The following EMID1 variants were observed in gnomAD, a reference collection of about 807,000 sequenced individuals.
The protein encoded by EMID1 is EMI domain containing 1.
A neutral mutation model predicts 60.6 loss-of-function variants in EMID1; 40 were observed. The ratio of observed to expected loss-of-function variants is 0.66; its 90% CI spans 0.51 to 0.86. EMID1 has a LOEUF of 0.86. EMID1 is among the 40% of genes least tolerant of loss of function. The pLI is 0.00. For synonymous variants in EMID1, 242 were observed against 231.0 expected, an observed-to-expected ratio of 1.05 and a Z score of -0.43; for missense variants, 585 against 597.1, an observed-to-expected ratio of 0.98 and a Z score of 0.21.
chr22:29,226,449 A>G, intron 4 of EMID1, 41 bp from the exon 5 acceptor site: 1 of 1,605,320 alleles, frequency 6.2e-7, no homozygotes. Context: ...GGGGAAGCCT[A>G]GGACCCTTGG....
rs149380252 is a variant in EMID1 at position 29,242,602 on chromosome 22, G to A, written c.1075-843G>A. Among the ~76,000 whole-genome samples, 26 of 152,310 alleles carry A rather than the reference G, an allele frequency of 1.7e-4. No individual in the cohort carries two copies. The East Asian group carries it at 4.0e-3, about 24-fold the overall frequency. ...TTTTTGTTGCACACTGGACAAAGTA[G>A]ATAATATGTTGAAAAGACTCTAAAT... On this transcript the variant is annotated intron_variant, in intron 12 of 14. Transcript: ENST00000334018.
At chr22:29,212,457 C>T (rs2039925529) in intron 1 of EMID1, among the ~76,000 whole-genome samples, 8 of 152,072 alleles carry the variant, frequency 5.3e-5, no homozygotes, top group Admixed American at 4.6e-4. Flanking sequence ...GTTGAGAGTG[C>T]AAGCTCTGGA....
chr22:29,257,834 C>G (rs1467743016), intron 14 of EMID1, among the ~76,000 whole-genome samples: 2 of 152,188 alleles, frequency 1.3e-5, no homozygotes, highest in Non-Finnish European at 2.9e-5. Context: ...TGGGACCAAG[C>G]CATGATCCCA....
At chr22:29,231,861 G>C (rs2040762204) in intron 7 of EMID1, 179 bp downstream of exon 7, 1 of 606,534 alleles carries the variant, frequency 1.6e-6, no homozygotes, top group Admixed American at 3.3e-5. Context: ...CCTCTCTTAT[G>C]TTCACTGACC....
intron 3 of EMID1, among the ~76,000 whole-genome samples, chr22:29,217,481 T>A (rs1226972681): frequency 6.6e-6 from 1 of 152,242 alleles, no homozygotes; most frequent in Non-Finnish European, 1.5e-5. Flanking sequence ...CAAGTCATTG[T>A]GCAAGGGCCC....
intron 1 of EMID1, among the ~76,000 whole-genome samples, chr22:29,208,096 C>T (rs1404152265): frequency 6.6e-6 from 1 of 152,210 alleles, no homozygotes; most frequent in East Asian, 1.9e-4. Context: ...AATCATGTCA[C>T]ATGGGGGTAG....
At chr22:29,240,307 G>A (rs1005629165) in intron 12 of EMID1, among the ~76,000 whole-genome samples, 7 of 152,172 alleles carry the variant, frequency 4.6e-5, no homozygotes, top group South Asian at 2.1e-4. Flanking sequence ...TGGGTATTTC[G>A]CTTCCTCCAG....
intron 1 of EMID1, among the ~76,000 whole-genome samples, chr22:29,213,458 G>A (rs1488690594): frequency 6.6e-6 from 1 of 152,192 alleles, no homozygotes; most frequent in Non-Finnish European, 1.5e-5. Flanking sequence ...TTCCAGCACT[G>A]ATTCTGGTGT....
intron 3 of EMID1, chr22:29,216,409 G>C: frequency 1.0e-6 from 1 of 985,462 alleles, no homozygotes; most frequent in East Asian, 1.1e-4. Context: ...TGGACACCAA[G>C]AGCTGTGTTT....
At chr22:29,256,246 A>G (rs2041702086) in intron 14 of EMID1, among the ~76,000 whole-genome samples, 2 of 151,950 alleles carry the variant, frequency 1.3e-5, no homozygotes, top group South Asian at 4.2e-4. Context: ...GCCGAGGCGT[A>G]TGGATCACCT....
intron 3 of EMID1, among the ~76,000 whole-genome samples, chr22:29,219,597 T>C (rs1219585121): frequency 1.3e-5 from 2 of 151,640 alleles, no homozygotes; most frequent in Non-Finnish European, 2.9e-5. Context: ...CTGGGCAACA[T>C]AGCAAGACCC....
intron 6 of EMID1, 177 bp downstream of exon 6, chr22:29,231,317 A>C: frequency 3.0e-6 from 3 of 994,114 alleles, no homozygotes; most frequent in South Asian, 1.7e-5. Flanking sequence ...GGACTCCTGA[A>C]TGCTGCAGTC....
At chr22:29,233,843 A>G (rs923610551) in intron 10 of EMID1, 177 bp downstream of exon 10, 1 of 706,918 alleles carries the variant, frequency 1.4e-6, no homozygotes. Flanking sequence ...ACTACCTTCC[A>G]TAAATCTTAT....
rs765764645 is a variant in EMID1 at position 29,226,545 on chromosome 22, G to C, written c.459G>C (p.Glu153Asp). 6.2e-7 allele frequency: 1 copy of C among 1,611,886 alleles called. No homozygotes were observed. The highest frequency in any genetic ancestry group is 2.2e-5 in the East Asian group (1 of 44,766). ...TGACAGAGCGGCTGAAGGTGCTGGA[G>C]GCCAAGGTGGGTGAGCAGCTCCCTC... ...SELTERLKVL[E>D]AKMTMLTVIE... The change falls in exon 5 of 15, where the codon GAG becomes GAC. Residue 153 changes from glutamate (E) to aspartate (D), a missense_variant. Physicochemically the swap from Glu to Asp is conservative, Grantham distance 45 (BLOSUM62 2). Transcript: ENST00000334018.
intron 6 of EMID1, 78 bp downstream of exon 6, chr22:29,231,218 C>A: frequency 6.6e-7 from 1 of 1,510,562 alleles, no homozygotes; most frequent in Non-Finnish European, 8.9e-7. Flanking sequence ...TGGTCCCCAC[C>A]CTGTCGCTGA....
chr22:29,228,162 A>C (rs1490998039), intron 5 of EMID1, among the ~76,000 whole-genome samples: 1 of 150,422 alleles, frequency 6.6e-6, no homozygotes. Context: ...ATCTCAAAAA[A>C]AAAAAAAAAA....
chr22:29,207,879 G>C (rs987133133), intron 1 of EMID1, among the ~76,000 whole-genome samples: 1 of 152,100 alleles, frequency 6.6e-6, no homozygotes, highest in Non-Finnish European at 1.5e-5. Context: ...CGGCTTGGGG[G>C]CACCAGGAAA....
intron 12 of EMID1, among the ~76,000 whole-genome samples, chr22:29,242,493 T>C (rs2041188812): frequency 6.6e-6 from 1 of 152,226 alleles, no homozygotes. Flanking sequence ...TTCTAACATA[T>C]AGGTCGGCTG....
At chr22:29,254,559 G>A in intron 14 of EMID1, 1 of 392,224 alleles carries the variant, frequency 2.5e-6, no homozygotes, top group Non-Finnish European at 4.7e-6. Flanking sequence ...TTCTAGGCCT[G>A]CAGGGAACCA....
Sources: gnomAD v4.1 joint callset for allele counts (sites outside exome capture counted in the v4.1 genomes callset) on GRCh38, gnomAD v4.1.1 for gene constraint, MANE v1.5 for transcripts, NCBI Gene and HGNC (gene_info 2026-07-23, HGNC 2026-07-21) for gene names.